Variants in SLC12A9 observed in about 807,000 individuals in gnomAD.
The protein encoded by SLC12A9 is solute carrier family 12 member 9, also known as CCC-interacting protein 1.
SLC12A9 carries 55 observed loss-of-function variants against 66.0 expected under a neutral mutation model. The ratio of observed to expected loss-of-function variants is 0.83; its 90% CI spans 0.67 to 1.04. The LOEUF (loss-of-function observed/expected upper bound fraction) is 1.04, where lower values mean the gene tolerates loss of function less well. Among genes scored for constraint, SLC12A9 ranks in the 50% least tolerant of loss-of-function variants. The probability of loss-of-function intolerance (pLI) is 0.00; values close to 1 mark genes in which losing one functional copy is unlikely to be tolerated. For missense variants in SLC12A9, 1,061 were observed against 1,241.9 expected, an observed-to-expected ratio of 0.85 and a Z score of 2.19; for synonymous variants, 577 against 569.0, an observed-to-expected ratio of 1.01 and a Z score of -0.20.
intron 13 of SLC12A9, chr7:100,865,511 G>C: frequency 2.0e-6 from 3 of 1,534,376 alleles, no homozygotes; most frequent in Non-Finnish European, 2.6e-6. Flanking sequence ...TAGTCACTGA[G>C]ATAATAAAAT....
intron 1 of SLC12A9, among the ~76,000 whole-genome samples, chr7:100,831,395 A>T (rs1813540854): frequency 6.6e-6 from 1 of 152,186 alleles, no homozygotes; most frequent in Non-Finnish European, 1.5e-5. Context: ...CATGTTGGTC[A>T]GGCTGGTCTG....
intron 7 of SLC12A9, chr7:100,859,468 C>T (rs1814605761): frequency 2.5e-6 from 1 of 394,536 alleles, no homozygotes; most frequent in Non-Finnish European, 4.6e-6. Context: ...GTAATCCCAG[C>T]ACTTTGGGAG....
intron 1 of SLC12A9, among the ~76,000 whole-genome samples, chr7:100,835,107 G>A (rs1450276944): frequency 6.6e-6 from 1 of 152,218 alleles, no homozygotes; most frequent in Admixed American, 6.5e-5. Flanking sequence ...TGTAATCCCA[G>A]CACTTTGGGA....
Position 100,857,189 on chromosome 7 carries a change from C to A in SLC12A9, c.757+13C>A. The A allele has an allele frequency of 6.2e-7, 1 of 1,601,502 alleles. No individual in the cohort carries two copies. Among genetic ancestry groups the A allele is most frequent in the South Asian group, 1.1e-5 (1 of 89,992 alleles). On this transcript the variant is annotated intron_variant, in intron 5 of 13. Coordinates refer to ENST00000354161, the MANE Select transcript of SLC12A9 (RefSeq NM_020246.4). ...GACAACTTGGGCGGTGAGCTGGGTG[C>A]TGCCGTGGCAGGGATCTCGGGGTGA...
intron 1 of SLC12A9, among the ~76,000 whole-genome samples, chr7:100,846,422 C>A (rs947431223): frequency 2.0e-5 from 3 of 152,090 alleles, no homozygotes; most frequent in African/African-American, 7.2e-5. Flanking sequence ...AAAAAATGAG[C>A]CGGGCGTGGT....
At chr7:100,860,081 T>G in intron 8 of SLC12A9, 39 bp downstream of exon 8, 1 of 1,614,162 alleles carries the variant, frequency 6.2e-7, no homozygotes, top group Non-Finnish European at 8.5e-7. Flanking sequence ...GAGCACGCCC[T>G]CCCTTGTCTG....
rs1372644566 is a variant in SLC12A9 at position 100,854,745 on chromosome 7, G to A, written c.307G>A (p.Gly103Arg). The change falls in exon 3 of 14, where the codon GGA (glycine) becomes AGA (arginine). Residue 103 changes from glycine to arginine, a missense_variant. Physicochemically the swap from Gly to Arg is moderately radical, Grantham distance 125 (BLOSUM62 -2). Transcript: ENST00000354161. ...IATNGAVQGG[G>R]AYFMISRTLG... ...CACCAATGGAGCCGTGCAGGGGGGC[G>A]GAGCCTACTGTATCCTCCAACATCG... is the stretch of plus-strand genomic sequence containing the variant. 3 of 1,613,880 alleles carry A rather than the reference G, an allele frequency of 1.9e-6. No individual in the cohort carries two copies. Among genetic ancestry groups the A allele is most frequent in the African/African-American group, 2.7e-5 (2 of 74,892 alleles).
Position 100,855,835 on chromosome 7 carries a change from C to T in SLC12A9, c.446C>T (p.Ala149Val), listed in dbSNP as rs1396649468. The T allele has an allele frequency of 1.2e-6, 2 of 1,604,178 alleles. No homozygotes were observed. The highest frequency in any genetic ancestry group is 1.7e-6 in the Non-Finnish European group (2 of 1,174,924). Residue 149 changes from alanine (A) to valine (V), a missense_variant and splice_region_variant, in exon 4 of 14, where the codon GCC becomes GTC. Physicochemically the swap from Ala to Val is moderately conservative, Grantham distance 64 (BLOSUM62 0). Transcript: ENST00000354161. ...GAGTCTGTGCTTGATGTCTTCGGGG[C>T]CGGTCTGTGCTCTGTCCGATCTGGG... The part of the protein sequence containing the change: ...LVESVLDVFG[A>V]DATGPSGLRV...
chr7:100,850,033 C>T (rs571040964), upstream of SLC12A9, among the ~76,000 whole-genome samples: 9 of 152,128 alleles, frequency 5.9e-5, no homozygotes, highest in South Asian at 2.1e-4. Flanking sequence ...CCACCACGCC[C>T]GGCTAATTTT....
intron 1 of SLC12A9, among the ~76,000 whole-genome samples, chr7:100,845,145 G>A (rs1813880301): frequency 6.6e-6 from 1 of 151,346 alleles, no homozygotes; most frequent in Non-Finnish European, 1.5e-5. Context: ...CTTCCTGTAG[G>A]AAGACTGCAT....
chr7:100,834,611 G>A (rs1268205795), intron 1 of SLC12A9, among the ~76,000 whole-genome samples: 1 of 152,002 alleles, frequency 6.6e-6, no homozygotes, highest in Non-Finnish European at 1.5e-5. Flanking sequence ...GGTTGGGTGC[G>A]GTGGCTCACA....
intron 5 of SLC12A9, 28 bp from the exon 6 acceptor site, chr7:100,858,807 A>C (rs1375282401): frequency 1.2e-6 from 2 of 1,609,586 alleles, no homozygotes; most frequent in South Asian, 2.2e-5. Context: ...ATGCTGATGC[A>C]CTCTCCTCCC....
Position 100,860,105 on chromosome 7 carries a change from G to T in SLC12A9, c.1136-45G>T, listed in dbSNP as rs186977825. On this transcript the variant is annotated intron_variant, in intron 8 of 13. Coordinates refer to ENST00000354161, the MANE Select transcript of SLC12A9 (RefSeq NM_020246.4). ...CTCCCTTGTCTGTCTCTCCGTCCCC[G>T]CTGAGCCCTGGCTGATGTGTCTGCT... 13 of 1,614,118 alleles carry T rather than the reference G, an allele frequency of 8.1e-6. No homozygotes were observed. In the South Asian group the frequency reaches 1.2e-4, roughly 15 times the overall value.
chr7:100,846,147 G>A (rs1282111156), intron 1 of SLC12A9, among the ~76,000 whole-genome samples: 1 of 152,176 alleles, frequency 6.6e-6, no homozygotes, highest in East Asian at 1.9e-4. Context: ...TGATCCTGAG[G>A]CCATGTTTAG....
At position 100,855,689 on chromosome 7, in the gene SLC12A9, C is replaced by A. The variant is rs1249159370; in HGVS notation, c.317-17C>A. The stretch of plus-strand genomic sequence containing the variant: ...TCAGTCTTTTCCCTTAATGCTCACC[C>A]CTGCTTCCACTTTCAGTCATGATCA... On this transcript the variant is annotated splice_polypyrimidine_tract_variant and intron_variant, in intron 3 of 13. Transcript: ENST00000354161. 6.2e-7 allele frequency: 1 copy of A among 1,613,982 alleles called. No homozygotes were observed. Among genetic ancestry groups the A allele is most frequent in the African/African-American group, 1.3e-5 (1 of 75,042 alleles).
chr7:100,827,839 G>A (rs565704862), intron 1 of SLC12A9, among the ~76,000 whole-genome samples: 1 of 152,314 alleles, frequency 6.6e-6, no homozygotes, highest in Non-Finnish European at 1.5e-5. Flanking sequence ...GAACCCGGCT[G>A]GCACCAGGGA....
chr7:100,860,090 T>C lies in SLC12A9; in HGVS notation c.1135+48T>C, dbSNP rs749209087. ...GGCTTGGAGCACGCCCTCCCTTGTC[T>C]GTCTCTCCGTCCCCGCTGAGCCCTG... On this transcript the variant is annotated intron_variant, in intron 8 of 13. Transcript: ENST00000354161. 19 of 1,614,070 alleles carry C rather than the reference T, an allele frequency of 1.2e-5. No homozygotes were observed. The East Asian group carries it at 1.3e-4, about 11-fold the overall frequency.
chr7:100,839,802 G>C (rs1470682412), intron 1 of SLC12A9, among the ~76,000 whole-genome samples: 1 of 152,122 alleles, frequency 6.6e-6, no homozygotes, highest in Non-Finnish European at 1.5e-5. Flanking sequence ...CAGCACTTTG[G>C]GAGGCCAAGG....
chr7:100,841,445 T>A (rs754717614), intron 1 of SLC12A9, among the ~76,000 whole-genome samples: 32 of 152,154 alleles, frequency 2.1e-4, no homozygotes, highest in Non-Finnish European at 1.0e-4. Flanking sequence ...TTTAAAAGTT[T>A]AAGCAAGTTT....
Sources: gnomAD v4.1 joint callset for allele counts (sites outside exome capture counted in the v4.1 genomes callset) on GRCh38, gnomAD v4.1.1 for gene constraint, MANE v1.5 for transcripts, NCBI Gene and HGNC (gene_info 2026-07-23, HGNC 2026-07-21) for gene names.